Variants in GLIS3 observed in about 807,000 individuals in gnomAD.
GLIS3 encodes GLIS family zinc finger 3.
Under a neutral mutation model 78.6 loss-of-function variants are expected in GLIS3, and 53 were observed. The ratio of observed to expected loss-of-function variants is 0.67; its 90% CI spans 0.54 to 0.85. GLIS3 has a LOEUF of 0.85. Ranked by LOEUF, GLIS3 falls within the 40% of genes least tolerant of loss-of-function variation. The pLI is 0.00. For synonymous variants in GLIS3, 684 were observed against 509.9 expected, an observed-to-expected ratio of 1.34 and a Z score of -4.60; for missense variants, 1,703 against 1,231.1, an observed-to-expected ratio of 1.38 and a Z score of -5.74.
chr9:4,342,324 C>T (rs76838584), intron 2 of GLIS3, among the ~76,000 whole-genome samples: 3,817 of 152,256 alleles, frequency 0.025, 164 homozygotes, highest in African/African-American at 0.084. Context: ...GCCAGTTATC[C>T]CAGCACCATT....
the GLIS3 span, among the ~76,000 whole-genome samples, chr9:4,468,055 T>C: frequency 2.6e-3 from 397 of 152,172 alleles, 1 homozygote; most frequent in African/African-American, 9.0e-3. Flanking sequence ...GAAGATCAAA[T>C]TAATGAAATG....
chr9:4,329,832 T>G (rs1042246789), intron 2 of GLIS3, among the ~76,000 whole-genome samples: 4 of 152,178 alleles, frequency 2.6e-5, no homozygotes, highest in African/African-American at 9.7e-5. Context: ...CTACTTCTGG[T>G]GCTGGTAATG....
At chr9:4,035,539 C>G (rs1448457664) in intron 4 of GLIS3, among the ~76,000 whole-genome samples, 1 of 151,996 alleles carries the variant, frequency 6.6e-6, no homozygotes, top group Non-Finnish European at 1.5e-5. Context: ...TTCCCTTCCC[C>G]CTGCCAGTGG....
intron 4 of GLIS3, among the ~76,000 whole-genome samples, chr9:4,003,277 C>T (rs1821265469): frequency 6.6e-6 from 1 of 151,978 alleles, no homozygotes; most frequent in Non-Finnish European, 1.5e-5. Context: ...AGAAACTGGA[C>T]CACTGAGGCT....
chr9:4,404,076 T>C, the GLIS3 span, among the ~76,000 whole-genome samples: 2 of 152,142 alleles, frequency 1.3e-5, no homozygotes, highest in African/African-American at 2.4e-5. Context: ...GGAGTAGCTA[T>C]ACTTATGAGA....
chr9:4,389,040 C>T, the GLIS3 span, among the ~76,000 whole-genome samples: 68 of 152,260 alleles, frequency 4.5e-4, 1 homozygote, highest in Middle Eastern at 0.01. Context: ...GCACTTAAGC[C>T]GACTGAGGTG....
At chr9:4,282,307 C>T (rs1827630877) in intron 2 of GLIS3, among the ~76,000 whole-genome samples, 1 of 152,122 alleles carries the variant, frequency 6.6e-6, no homozygotes, top group African/African-American at 2.4e-5. Flanking sequence ...ATATTAGGTC[C>T]AACACTACTC....
intron 7 of GLIS3, among the ~76,000 whole-genome samples, chr9:3,889,382 A>T (rs1445334): frequency 0.99 from 150,313 of 152,300 alleles, 74,209 homozygotes; most frequent in Middle Eastern, 1. Context: ...ATAGTACATG[A>T]GTTCTGGATG....
At chr9:4,247,215 A>G (rs1012927202) in intron 2 of GLIS3, among the ~76,000 whole-genome samples, 5 of 152,324 alleles carry the variant, frequency 3.3e-5, no homozygotes, top group East Asian at 3.9e-4. Flanking sequence ...TTCTCTTAAT[A>G]GCTGTTTTCC....
chr9:4,083,566 T>C (rs1183365797), intron 4 of GLIS3, among the ~76,000 whole-genome samples: 1 of 152,226 alleles, frequency 6.6e-6, no homozygotes, highest in Non-Finnish European at 1.5e-5. Flanking sequence ...CCATAGGTCA[T>C]ACAGCCAATC....
chr9:4,373,958 G>A, the GLIS3 span, among the ~76,000 whole-genome samples: 25 of 152,120 alleles, frequency 1.6e-4, no homozygotes, highest in Middle Eastern at 3.4e-3. Context: ...GAGCCACCGC[G>A]CCTGGCCGAA....
At chr9:4,256,754 C>T (rs556401766) in intron 2 of GLIS3, among the ~76,000 whole-genome samples, 1 of 152,164 alleles carries the variant, frequency 6.6e-6, no homozygotes, top group East Asian at 1.9e-4. Context: ...TAGAATATGA[C>T]TTTTTAAAAA....
At chr9:3,982,411 T>C (rs1208875164) in intron 4 of GLIS3, among the ~76,000 whole-genome samples, 2 of 152,178 alleles carry the variant, frequency 1.3e-5, no homozygotes, top group Non-Finnish European at 2.9e-5. Flanking sequence ...TGTGCACAGC[T>C]CATTACAACT....
chr9:3,846,877 A>G (rs1335948565), intron 9 of GLIS3, among the ~76,000 whole-genome samples: 2 of 152,186 alleles, frequency 1.3e-5, no homozygotes, highest in African/African-American at 2.4e-5. Context: ...GATGGTAAGC[A>G]CTGGGTATTT....
chr9:4,357,403 C>A, the GLIS3 span, among the ~76,000 whole-genome samples: 1 of 152,176 alleles, frequency 6.6e-6, no homozygotes, highest in African/African-American at 2.4e-5. Context: ...GGAAATCAGT[C>A]TTCTCTTGCC....
At chr9:3,897,939 G>A (rs189404347) in intron 7 of GLIS3, among the ~76,000 whole-genome samples, 1 of 152,232 alleles carries the variant, frequency 6.6e-6, no homozygotes, top group Non-Finnish European at 1.5e-5. Flanking sequence ...ATGTGGAGCT[G>A]GTAAATCTTT....
At chr9:4,175,849 A>T (rs1816772049) in intron 2 of GLIS3, among the ~76,000 whole-genome samples, 1 of 152,236 alleles carries the variant, frequency 6.6e-6, no homozygotes, top group Non-Finnish European at 1.5e-5. Context: ...CCCATAAAAG[A>T]AGTATCATCA....
At chr9:4,103,594 C>T (rs1425288128) in intron 4 of GLIS3, among the ~76,000 whole-genome samples, 2 of 152,194 alleles carry the variant, frequency 1.3e-5, no homozygotes, top group African/African-American at 4.8e-5. Flanking sequence ...TTCCTGGACT[C>T]TGTCATCCCC....
intron 2 of GLIS3, among the ~76,000 whole-genome samples, chr9:4,132,932 G>A (rs117971871): frequency 0.017 from 2,527 of 152,220 alleles, 47 homozygotes; most frequent in Non-Finnish European, 0.021. Context: ...TTCTAAAATG[G>A]GGTCAGTAAT....
Sources: allele counts gnomAD v4.1 joint callset (sites outside exome capture counted in the v4.1 genomes callset), GRCh38; gene constraint gnomAD v4.1.1; transcripts MANE v1.5; gene names NCBI Gene and HGNC (gene_info 2026-07-23, HGNC 2026-07-21).